TNNI3K: variants seen among roughly 807,000 people sequenced by gnomAD.
TNNI3K encodes TNNI3 interacting kinase, also known as serine/threonine-protein kinase TNNI3K.
In TNNI3K, 140 loss-of-function variants were observed where a neutral mutation model predicts 114.5. That is an observed-to-expected ratio of 1.22 (90% CI 1.07 to 1.41). The LOEUF (loss-of-function observed/expected upper bound fraction) is 1.41. TNNI3K is among the 40% of genes most tolerant of loss of function. The probability of loss-of-function intolerance (pLI) is 0.00; values close to 1 mark genes in which losing one functional copy is unlikely to be tolerated. For synonymous variants in TNNI3K, 347 were observed against 347.5 expected, an observed-to-expected ratio of 1.00 and a Z score of 0.02; for missense variants, 1,125 against 1,007.6, an observed-to-expected ratio of 1.12 and a Z score of -1.58.
chr1:74,522,274 C>T (rs1443061398), intron 23 of TNNI3K, among the ~76,000 whole-genome samples: 2 of 152,172 alleles, frequency 1.3e-5, no homozygotes, highest in African/African-American at 4.8e-5. Context: ...GGAGCTGCTG[C>T]TTGTACTTGC....
At chr1:74,244,174 T>C (rs1184762256) in intron 2 of TNNI3K, among the ~76,000 whole-genome samples, 1 of 152,176 alleles carries the variant, frequency 6.6e-6, no homozygotes, top group Non-Finnish European at 1.5e-5. Context: ...TACATTCCAG[T>C]TATTAAAGTT....
At chr1:74,261,978 C>T (rs1238390606) in intron 4 of TNNI3K, among the ~76,000 whole-genome samples, 1 of 152,114 alleles carries the variant, frequency 6.6e-6, no homozygotes, top group Non-Finnish European at 1.5e-5. Flanking sequence ...TGCTACGTAA[C>T]TGTGCCCATC....
Position 74,369,054 on chromosome 1 carries a change from T to C in TNNI3K, c.1354T>C (p.Leu452=). 6.2e-7 allele frequency: 1 copy of C among 1,609,606 alleles called. No homozygotes were observed. The highest frequency in any genetic ancestry group is 8.5e-7 in the Non-Finnish European group (1 of 1,178,148). The part of the protein sequence containing the change: ...KADILLLRAG[L]PSHFHLQLSE... ...AGATATTCTCCTCCTAAGAGCTGGA[T>C]TGCCTTCACATTTCCATCTTCAGCT... Residue 452 remains leucine (L), a synonymous_variant, in exon 14 of 25, where the codon TTG becomes CTG. Transcript: ENST00000326637.
In TNNI3K at chr1:74,403,958, C is replaced by T. The variant is rs45479395; in HGVS notation, c.1773-32122C>T. Reference sequence around the variant, plus strand: ...TTAGAGTAAATAATTGAAATTTCTTCGGTCCTTTTTATGTGTTGTCTATTT... The same window carrying T: ...TTAGAGTAAATAATTGAAATTTCTTTGGTCCTTTTTATGTGTTGTCTATTT... On this transcript the variant is annotated intron_variant, in intron 17 of 24. Coordinates refer to ENST00000326637, the MANE Select transcript of TNNI3K (RefSeq NM_015978.3). Among the ~76,000 whole-genome samples, 948 of 152,224 alleles carry T rather than the reference C, an allele frequency of 6.2e-3. 8 individuals are homozygous for T. Among genetic ancestry groups the T allele is most frequent in the African/African-American group, 0.021 (875 of 41,534 alleles).
intron 5 of TNNI3K, among the ~76,000 whole-genome samples, chr1:74,324,804 A>G (rs1659812324): frequency 6.6e-6 from 1 of 152,238 alleles, no homozygotes; most frequent in African/African-American, 2.4e-5. Context: ...TAATGGCTTT[A>G]GAGTAAGCAG....
At chr1:74,334,427 A>G (rs1430493034) in intron 6 of TNNI3K, among the ~76,000 whole-genome samples, 2 of 152,182 alleles carry the variant, frequency 1.3e-5, no homozygotes. Flanking sequence ...GGTCAAGACA[A>G]TTGAGAGGGG....
chr1:74,497,897 A>G (rs1311374260), intron 23 of TNNI3K, among the ~76,000 whole-genome samples: 1 of 152,180 alleles, frequency 6.6e-6, no homozygotes, highest in African/African-American at 2.4e-5. Context: ...TTTTCATCAT[A>G]CGTTCCAGTG....
chr1:74,458,831 T>A (rs1450044380), intron 20 of TNNI3K, among the ~76,000 whole-genome samples: 1 of 152,158 alleles, frequency 6.6e-6, no homozygotes, highest in Non-Finnish European at 1.5e-5. Flanking sequence ...ATTGTGATGC[T>A]CAGGTTTGGG....
At chr1:74,495,639 G>A (rs976659426) in intron 23 of TNNI3K, among the ~76,000 whole-genome samples, 2 of 152,100 alleles carry the variant, frequency 1.3e-5, no homozygotes, top group Non-Finnish European at 2.9e-5. Context: ...AATTTTTATA[G>A]ATGAGGAAAC....
intron 17 of TNNI3K, among the ~76,000 whole-genome samples, chr1:74,416,968 T>C (rs1665147427): frequency 6.6e-6 from 1 of 152,026 alleles, no homozygotes; most frequent in Non-Finnish European, 1.5e-5. Context: ...GTCTCCAGCT[T>C]TTACTCTCAC....
At chr1:74,541,509 A>G (rs1646726381) in intron 24 of TNNI3K, 1 of 152,182 alleles carries the variant, frequency 6.6e-6, no homozygotes, top group African/African-American at 2.4e-5. Context: ...TTTAATAGAC[A>G]TAATATCTTT....
intron 23 of TNNI3K, among the ~76,000 whole-genome samples, chr1:74,524,739 G>A (rs1646480352): frequency 6.6e-6 from 1 of 151,430 alleles, no homozygotes; most frequent in South Asian, 2.1e-4. Flanking sequence ...AGAGTGACAG[G>A]CAACTTTTTA....
At chr1:74,534,498 C>A (rs564715079) in intron 23 of TNNI3K, among the ~76,000 whole-genome samples, 1 of 152,110 alleles carries the variant, frequency 6.6e-6, no homozygotes, top group Admixed American at 6.6e-5. Flanking sequence ...TTGGAAGCCA[C>A]AACACTGTCT....
chr1:74,544,358 A>G lies in TNNI3K; in HGVS notation c.*376A>G, dbSNP rs1646761998. 5.9e-6 allele frequency: 1 copy of G among 168,216 alleles called. No individual in the cohort carries two copies. Among genetic ancestry groups the G allele is most frequent in the East Asian group, 1.7e-4 (1 of 5,938 alleles). The allele number at this position is 168,216 out of a possible 1,614,324, so 10.4% of individuals were successfully genotyped here. A position where few individuals can be genotyped will look rare whatever the true frequency, so the allele number is the denominator to read the frequency against. On this transcript the variant is annotated 3_prime_UTR_variant, in exon 25 of 25. Transcript: ENST00000326637. Reference sequence around the variant, plus strand: ...GGGTTTATTTCTTAGAACATTGTTCATTTTCTTTTCTCATTATGTTACTTC... The same window carrying G: ...GGGTTTATTTCTTAGAACATTGTTCGTTTTCTTTTCTCATTATGTTACTTC...
intron 5 of TNNI3K, among the ~76,000 whole-genome samples, chr1:74,287,852 C>T (rs939976714): frequency 2.6e-5 from 4 of 151,882 alleles, no homozygotes; most frequent in African/African-American, 4.8e-5. Context: ...GGTTAATACT[C>T]GAAATATATA....
At chr1:74,317,179 A>G (rs994325662) in intron 5 of TNNI3K, among the ~76,000 whole-genome samples, 3 of 152,206 alleles carry the variant, frequency 2.0e-5, no homozygotes, top group Non-Finnish European at 4.4e-5. Context: ...CACATAGGCA[A>G]CACAATATTT....
rs776501832 is a variant in TNNI3K, at chr1:74,343,130, A to G, written c.883A>G (p.Thr295Ala). Residue 295 changes from threonine to alanine, a missense_variant, in exon 9 of 25, where the codon ACA (threonine) becomes GCA (alanine). Transcript: ENST00000326637. ...CAAGGAAATCATCCAAATATCAGGA[A>G]CAGAAAGTCTGACTAAGGAAAACAT... ...VAKEIIQISG[T>A]ESLTKENIFS... The G allele has an allele frequency of 6.2e-7, 1 of 1,613,534 alleles. No individual in the cohort carries two copies. The highest frequency in any genetic ancestry group is 8.5e-7 in the Non-Finnish European group (1 of 1,179,800).
At chr1:74,279,115 A>G (rs1012529968) in intron 5 of TNNI3K, among the ~76,000 whole-genome samples, 10 of 152,176 alleles carry the variant, frequency 6.6e-5, no homozygotes, top group Non-Finnish European at 1.0e-4. Context: ...AGTCACAAAA[A>G]TGTGCCTAAA....
intron 23 of TNNI3K, among the ~76,000 whole-genome samples, chr1:74,533,342 C>T (rs1439014837): frequency 6.6e-6 from 1 of 152,140 alleles, no homozygotes; most frequent in Non-Finnish European, 1.5e-5. Flanking sequence ...CAGAGAAATG[C>T]AAATCAAAAC....
Sources: gnomAD v4.1 joint callset for allele counts (sites outside exome capture counted in the v4.1 genomes callset) on GRCh38, gnomAD v4.1.1 for gene constraint, MANE v1.5 for transcripts, NCBI Gene and HGNC (gene_info 2026-07-23, HGNC 2026-07-21) for gene names.